Variants in GRM7 observed in about 807,000 individuals in gnomAD.
GRM7 encodes glutamate metabotropic receptor 7.
Under a neutral mutation model 84.5 loss-of-function variants are expected in GRM7, and 35 were observed. The observed-to-expected ratio is 0.41, with a 90% CI of 0.32 to 0.55. The LOEUF (loss-of-function observed/expected upper bound fraction) is 0.55. GRM7 is among the 20% of genes least tolerant of loss of function. The pLI is 0.19. For missense variants in GRM7, 1,003 were observed against 1,194.6 expected, an observed-to-expected ratio of 0.84 and a Z score of 2.36; for synonymous variants, 487 against 455.1, an observed-to-expected ratio of 1.07 and a Z score of -0.89.
In GRM7 at chr3:7,569,320, A is replaced by G. The variant is rs568859892; in HGVS notation, c.1516-9102A>G. Among the ~76,000 whole-genome samples, 12 of 152,240 alleles carry G rather than the reference A, an allele frequency of 7.9e-5. No homozygotes were observed. In the East Asian group the frequency reaches 2.1e-3, roughly 27 times the overall value. On this transcript the variant is annotated intron_variant, in intron 7 of 9. Coordinates refer to ENST00000357716, the MANE Select transcript of GRM7 (RefSeq NM_000844.4). ...TAGCTCAGGGTTTGTGAATGCACCA[A>G]TGGACACTCTGTATCTAGCTCCGCT...
intron 1 of GRM7, among the ~76,000 whole-genome samples, chr3:7,050,075 A>G (rs1342991682): frequency 6.6e-6 from 1 of 151,854 alleles, no homozygotes; most frequent in Non-Finnish European, 1.5e-5. Context: ...TAATGAATGG[A>G]GGGGTAAGAA....
At chr3:7,120,680 G>T (rs1403057947) in intron 1 of GRM7, among the ~76,000 whole-genome samples, 2 of 152,046 alleles carry the variant, frequency 1.3e-5, no homozygotes, top group African/African-American at 4.8e-5. Flanking sequence ...AAGGCCATTT[G>T]CCATTTGTGA....
intron 7 of GRM7, among the ~76,000 whole-genome samples, chr3:7,478,590 C>T (rs1699013932): frequency 6.6e-6 from 1 of 152,102 alleles, no homozygotes; most frequent in Admixed American, 6.6e-5. Flanking sequence ...TGGTCAACAG[C>T]TCTTGATGAA....
At chr3:6,930,781 A>G (rs1000701232) in intron 1 of GRM7, among the ~76,000 whole-genome samples, 3 of 152,216 alleles carry the variant, frequency 2.0e-5, no homozygotes, top group Non-Finnish European at 4.4e-5. Context: ...TCCAGCAGCA[A>G]TAGGCACTTG....
At position 7,293,389 on chromosome 3, in the gene GRM7, G is replaced by A. The variant is rs144455219; in HGVS notation, c.737-5295G>A. Reference sequence around the variant, plus strand: ...TTTCTGGGACTCTGAAATTCTTTTCGTTACTTCAGTGGCTTGTATGTATCT... The same window carrying A: ...TTTCTGGGACTCTGAAATTCTTTTCATTACTTCAGTGGCTTGTATGTATCT... On this transcript the variant is annotated intron_variant, in intron 2 of 9. Coordinates refer to ENST00000357716, the MANE Select transcript of GRM7 (RefSeq NM_000844.4). Among the ~76,000 whole-genome samples, 714 of 152,156 alleles carry A rather than the reference G, an allele frequency of 4.7e-3. 5 individuals carry two copies. Among genetic ancestry groups the A allele is most frequent in the African/African-American group, 0.017 (686 of 41,508 alleles).
intron 7 of GRM7, among the ~76,000 whole-genome samples, chr3:7,527,328 A>G (rs999860042): frequency 6.6e-6 from 1 of 151,828 alleles, no homozygotes; most frequent in Non-Finnish European, 1.5e-5. Context: ...TTCAGCTTGA[A>G]TGTTATTGGT....
chr3:7,516,369 T>C (rs4686133), intron 7 of GRM7, among the ~76,000 whole-genome samples: 82,570 of 134,934 alleles, frequency 0.61, 23,602 homozygotes, highest in Admixed American at 0.66. Context: ...CCCAGCTACT[T>C]GGGGGGCTGA....
At chr3:7,135,804 GT>G (rs1693752587) in intron 1 of GRM7, among the ~76,000 whole-genome samples, 1 of 152,082 alleles carries the variant, frequency 6.6e-6, no homozygotes, top group African/African-American at 2.4e-5. Flanking sequence ...CTTTCATTGT[GT>G]TCTGAATAAA....
chr3:7,457,631 C>T (rs1332567645), intron 6 of GRM7, among the ~76,000 whole-genome samples: 1 of 152,112 alleles, frequency 6.6e-6, no homozygotes, highest in African/African-American at 2.4e-5. Context: ...TTTCCTTCAT[C>T]AAGAGGTGAG....
chr3:6,997,509 G>C (rs896307655), intron 1 of GRM7, among the ~76,000 whole-genome samples: 19 of 152,144 alleles, frequency 1.2e-4, no homozygotes, highest in Admixed American at 1.2e-3. Flanking sequence ...AAAGCCATCA[G>C]ATCTTGTGAG....
intron 1 of GRM7, among the ~76,000 whole-genome samples, chr3:6,873,552 A>G (rs1337624275): frequency 2.0e-5 from 3 of 152,228 alleles, no homozygotes; most frequent in Non-Finnish European, 4.4e-5. Context: ...ATCCGTCTGC[A>G]TAGGCCTGTT....
At chr3:7,622,238 C>G (rs562047693) in intron 8 of GRM7, among the ~76,000 whole-genome samples, 1 of 152,116 alleles carries the variant, frequency 6.6e-6, no homozygotes, top group Non-Finnish European at 1.5e-5. Context: ...TAAGCACCCA[C>G]TCTTTGGTAG....
chr3:7,285,623 T>C (rs1204731517), intron 2 of GRM7, among the ~76,000 whole-genome samples: 2 of 152,066 alleles, frequency 1.3e-5, no homozygotes, highest in Non-Finnish European at 2.9e-5. Context: ...TCAACATCCA[T>C]AGAAACTCTT....
chr3:7,459,653 A>G (rs1698159181), intron 6 of GRM7, among the ~76,000 whole-genome samples: 1 of 152,110 alleles, frequency 6.6e-6, no homozygotes, highest in Admixed American at 6.6e-5. Flanking sequence ...CCACAAGAAC[A>G]GTATGGGGGA....
At chr3:7,652,837 C>A (rs916699921) in intron 8 of GRM7, among the ~76,000 whole-genome samples, 1 of 152,148 alleles carries the variant, frequency 6.6e-6, no homozygotes, top group East Asian at 1.9e-4. Flanking sequence ...ACATCTAATT[C>A]TTTTTGAAAC....
chr3:7,003,387 G>T (rs1029637749), intron 1 of GRM7, among the ~76,000 whole-genome samples: 13 of 150,996 alleles, frequency 8.6e-5, no homozygotes, highest in Admixed American at 1.3e-4. Flanking sequence ...GTCATTTTAA[G>T]ATAAATAAAT....
chr3:7,352,878 T>G (rs1693223832), intron 4 of GRM7, among the ~76,000 whole-genome samples: 1 of 152,064 alleles, frequency 6.6e-6, no homozygotes, highest in African/African-American at 2.4e-5. Flanking sequence ...CTGTCCTAAC[T>G]TACAGGATCC....
chr3:7,030,614 C>T (rs1247640163), intron 1 of GRM7, among the ~76,000 whole-genome samples: 1 of 152,108 alleles, frequency 6.6e-6, no homozygotes, highest in Non-Finnish European at 1.5e-5. Flanking sequence ...CAATCTGAGA[C>T]CTGGCTCATA....
At chr3:7,074,336 C>A (rs1697989159) in intron 1 of GRM7, among the ~76,000 whole-genome samples, 1 of 152,020 alleles carries the variant, frequency 6.6e-6, no homozygotes, top group Non-Finnish European at 1.5e-5. Flanking sequence ...TTAGGTTGAA[C>A]CATAAGATGT....
Sources: allele counts gnomAD v4.1 joint callset (sites outside exome capture counted in the v4.1 genomes callset), GRCh38; gene constraint gnomAD v4.1.1; transcripts MANE v1.5; gene names NCBI Gene and HGNC (gene_info 2026-07-23, HGNC 2026-07-21).